FARP2: variants seen among roughly 807,000 people sequenced by gnomAD.
FARP2 encodes FERM, ARH/RhoGEF and pleckstrin domain protein 2.
In FARP2, 111 loss-of-function variants were observed where a neutral mutation model predicts 130.5. That is an observed-to-expected ratio of 0.85 (90% CI 0.73 to 1.00). The LOEUF is 1.00. Ranked by LOEUF, FARP2 falls within the 50% of genes least tolerant of loss-of-function variation. The probability of loss-of-function intolerance (pLI) is 0.00; values close to 1 mark genes in which losing one functional copy is unlikely to be tolerated. For missense variants in FARP2, 1,385 were observed against 1,346.3 expected, an observed-to-expected ratio of 1.03 and a Z score of -0.45; for synonymous variants, 504 against 516.9, an observed-to-expected ratio of 0.98 and a Z score of 0.34.
chr2:241,444,836 C>T (rs1408364301), intron 13 of FARP2: 1 of 152,074 alleles, frequency 6.6e-6, no homozygotes, highest in Non-Finnish European at 1.5e-5. Context: ...GTAAGGAACC[C>T]GCATCACCTC....
intron 17 of FARP2, 55 bp from the exon 18 acceptor site, chr2:241,468,085 C>T: frequency 2.5e-6 from 3 of 1,183,100 alleles, no homozygotes; most frequent in Non-Finnish European, 3.8e-6. Flanking sequence ...AGGCCAGTCT[C>T]CCCCTGGACT....
rs548544892 is a variant in FARP2, at chr2:241,413,502, G to A, written c.623+81G>A. The A allele has an allele frequency of 7.1e-4, 696 of 983,342 alleles. 4 individuals carry two copies. Among genetic ancestry groups the A allele is most frequent in the Middle Eastern group, 1.9e-3 (9 of 4,810 alleles). The allele number at this position is 983,342 out of a possible 1,614,324, so 60.9% of individuals were successfully genotyped here. A position where few individuals can be genotyped will look rare whatever the true frequency, so the allele number is the denominator to read the frequency against. On this transcript the variant is annotated intron_variant, in intron 7 of 26. Transcript: ENST00000264042. The stretch of plus-strand genomic sequence containing the variant: ...TGTGTAACGAGAAAGGACTGTTGTC[G>A]TGACTTCTGCAAGATTCTAACATAA...
chr2:241,427,809 A>G (rs1006494486), intron 8 of FARP2, among the ~76,000 whole-genome samples: 2 of 152,002 alleles, frequency 1.3e-5, no homozygotes, highest in African/African-American at 4.8e-5. Context: ...TCTGTCGCCC[A>G]GGTGGGAGTA....
rs1466001128 is a variant in FARP2, at chr2:241,463,345, G to T, written c.1688G>T (p.Ser563Ile). The T allele has an allele frequency of 1.9e-6, 3 of 1,614,060 alleles. No homozygotes were observed. Among genetic ancestry groups the T allele is most frequent in the Non-Finnish European group, 2.5e-6 (3 of 1,179,964 alleles). Residue 563 changes from serine (S) to isoleucine (I), a missense_variant, in exon 16 of 27, where the codon AGC (serine) becomes ATC (isoleucine). Ser to Ile is a moderately radical substitution (Grantham distance 142). Coordinates refer to ENST00000264042, the MANE Select transcript of FARP2 (RefSeq NM_014808.4). ...DLEVITVWFRSAVVKEDAMPA... is the reference protein window; with the variant it reads ...DLEVITVWFRIAVVKEDAMPA... ...ACACTCTTCCCACAGTGGTTCCGCAGCGCAGTGGTGAAGGAGGACGCCATG... is the reference window on the plus strand; with the variant it reads ...ACACTCTTCCCACAGTGGTTCCGCATCGCAGTGGTGAAGGAGGACGCCATG...
At chr2:241,410,871 C>G in intron 5 of FARP2, 162 bp from the exon 6 acceptor site, 1 of 586,598 alleles carries the variant, frequency 1.7e-6, no homozygotes, top group Non-Finnish European at 3.1e-6. Context: ...CATGAAAGGC[C>G]TTTTGTGACT....
chr2:241,451,717 C>T (rs1294354813), intron 13 of FARP2, among the ~76,000 whole-genome samples: 6 of 152,094 alleles, frequency 3.9e-5, no homozygotes, highest in Non-Finnish European at 8.8e-5. Flanking sequence ...TTCTGTGGCA[C>T]CTAAAACTTG....
chr2:241,404,718 A>G (rs564609571), intron 3 of FARP2, 81 bp from the exon 4 acceptor site: 1 of 1,074,926 alleles, frequency 9.3e-7, no homozygotes, highest in Admixed American at 2.0e-5. Flanking sequence ...TCTTATTATA[A>G]CCATTTTTGT....
In FARP2 at chr2:241,494,188, G is replaced by A. The variant is rs1281029466; in HGVS notation, c.*63G>A. The A allele has an allele frequency of 1.6e-5, 16 of 1,023,960 alleles. No individual in the cohort carries two copies. Among genetic ancestry groups the A allele is most frequent in the Middle Eastern group, 2.1e-4 (1 of 4,690 alleles). 63.4% of individuals were successfully genotyped at this position (1,023,960 alleles called of 1,614,324 possible). On this transcript the variant is annotated 3_prime_UTR_variant, in exon 27 of 27. Transcript: ENST00000264042. This position sits in a 1 kb window ranked among gnomAD's most constrained non-coding sequence, Gnocchi z 4.9. ...ACAGCAGGACACAGAGGTGACCTCT[G>A]TCCTGAGGCTTCTCAACAGATGGGA...
intron 1 of FARP2, among the ~76,000 whole-genome samples, chr2:241,368,216 A>G (rs1054253884): frequency 2.0e-5 from 3 of 152,168 alleles, no homozygotes; most frequent in Non-Finnish European, 2.9e-5. Context: ...ATCGGCCACC[A>G]GAAATGTTTT....
rs2063160162 is a variant in FARP2, at chr2:241,434,159, G to A, written c.869G>A (p.Gly290Glu). 6.3e-7 allele frequency: 1 copy of A among 1,597,490 alleles called. No homozygotes were observed. Among genetic ancestry groups the A allele is most frequent in the East Asian group, 2.3e-5 (1 of 44,176 alleles). Residue 290 changes from glycine to glutamate, a missense_variant and splice_region_variant, in exon 10 of 27, where the codon GGA (glycine) becomes GAA (glutamate). Physicochemically the swap from Gly to Glu is moderately conservative, Grantham distance 98. Coordinates refer to ENST00000264042, the MANE Select transcript of FARP2 (RefSeq NM_014808.4). ...FLIKLHPEVH[G>E]PYQDTLEFLL... ...TTAACCTTTGTGTTTTGTTTCTAGGGACCTTACCAGGACACATTAGAATTT... is the reference window on the plus strand; with the variant it reads ...TTAACCTTTGTGTTTTGTTTCTAGGAACCTTACCAGGACACATTAGAATTT...
At position 241,484,306 on chromosome 2, in the gene FARP2, G is replaced by A. The variant is rs750056840; in HGVS notation, c.2396G>A (p.Gly799Asp). The A allele has an allele frequency of 2.5e-6, 4 of 1,614,016 alleles. No homozygotes were observed. In the African/African-American group the frequency reaches 4.0e-5, roughly 16 times the overall value. Reference sequence around the variant, plus strand: ...GGGACCAGCCACTTCCGGATCCGGGGCCTCCTTCCCCTCCAAGGCATGCTG... The same window carrying A: ...GGGACCAGCCACTTCCGGATCCGGGACCTCCTTCCCCTCCAAGGCATGCTG... ...VAGTSHFRIR[G>D]LLPLQGMLVE... is the part of the protein sequence containing the mutation. Residue 799 changes from glycine to aspartate, a missense_variant, in exon 21 of 27, where the codon GGC (glycine) becomes GAC (aspartate). By Grantham distance (94) the Gly-to-Asp change is moderately conservative. Transcript: ENST00000264042.
intron 12 of FARP2, among the ~76,000 whole-genome samples, chr2:241,437,025 A>G (rs1476765449): frequency 6.6e-6 from 1 of 152,254 alleles, no homozygotes; most frequent in East Asian, 1.9e-4. Context: ...GATGTGCATC[A>G]TAGTGTTGTG....
chr2:241,418,488 G>A (rs1219331514), intron 8 of FARP2, among the ~76,000 whole-genome samples: 3 of 145,098 alleles, frequency 2.1e-5, no homozygotes, highest in African/African-American at 2.5e-5. Context: ...TTTTTCCAGT[G>A]GAGCAGTCTC....
chr2:241,431,562 G>C (rs1396543574), intron 8 of FARP2, 117 bp from the exon 9 acceptor site: 2 of 629,394 alleles, frequency 3.2e-6, no homozygotes, highest in African/African-American at 3.8e-5. Flanking sequence ...AGATATAATG[G>C]TAAAATGCCA....
At position 241,484,249 on chromosome 2, in the gene FARP2, A is replaced by T; in HGVS notation, c.2339A>T (p.Asp780Val). The change falls in exon 21 of 27, where the codon GAT becomes GTT. Residue 780 changes from aspartate (D) to valine (V), a missense_variant. Coordinates refer to ENST00000264042, the MANE Select transcript of FARP2 (RefSeq NM_014808.4). Reference protein sequence around the residue: ...LQQRMFFLFSDMLLYTSKGVA... With the variant: ...LQQRMFFLFSVMLLYTSKGVA... ...AAGCTTGCTGCTTCTCAGTTCTCAGATATGTTGCTGTACACAAGCAAAGGA... is the reference window on the plus strand; with the variant it reads ...AAGCTTGCTGCTTCTCAGTTCTCAGTTATGTTGCTGTACACAAGCAAAGGA... The T allele has an allele frequency of 1.9e-6, 3 of 1,614,110 alleles. No individual in the cohort carries two copies. Among genetic ancestry groups the T allele is most frequent in the South Asian group, 1.1e-5 (1 of 91,080 alleles).
Position 241,492,679 on chromosome 2 carries a change from G to A in FARP2, c.2788-250G>A, listed in dbSNP as rs1450012784. 1.1e-5 allele frequency: 5 copies of A among 443,718 alleles called. No homozygotes were observed. In the East Asian group the frequency reaches 1.5e-4, roughly 13 times the overall value. The allele number at this position is 443,718 out of a possible 1,614,324, so 27.5% of individuals were successfully genotyped here. A position where few individuals can be genotyped will look rare whatever the true frequency, so the allele number is the denominator to read the frequency against. The stretch of plus-strand genomic sequence containing the variant: ...ATGGGTTTGTGGATGGTTGGTTACT[G>A]AACACTGACTTTATTGTGCACAGGG... On this transcript the variant is annotated intron_variant, in intron 24 of 26. Transcript: ENST00000264042.
intron 5 of FARP2, among the ~76,000 whole-genome samples, chr2:241,410,388 A>G (rs7563873): frequency 0.19 from 28,870 of 151,840 alleles, 3,083 homozygotes; most frequent in Middle Eastern, 0.35. Context: ...GCAGATGTGT[A>G]ATTATATGTG....
chr2:241,396,650 G>A (rs1456886553), intron 2 of FARP2, among the ~76,000 whole-genome samples: 2 of 152,212 alleles, frequency 1.3e-5, no homozygotes, highest in Admixed American at 1.3e-4. Context: ...TCTCACACCA[G>A]TTAGAATGGC....
At chr2:241,439,628 C>T (rs1342366484) in intron 12 of FARP2, among the ~76,000 whole-genome samples, 1 of 152,126 alleles carries the variant, frequency 6.6e-6, no homozygotes, top group African/African-American at 2.4e-5. Flanking sequence ...CATGCCCGGC[C>T]TTCAAAAGAA....
Sources: gnomAD v4.1 joint callset for allele counts (sites outside exome capture counted in the v4.1 genomes callset) on GRCh38, gnomAD v4.1.1 for gene constraint, Gnocchi (gnomAD v3.1) non-coding constraint, MANE v1.5 for transcripts, NCBI Gene and HGNC (gene_info 2026-07-23, HGNC 2026-07-21) for gene names.